The following DPP10 variants were observed in gnomAD, a reference collection of about 807,000 sequenced individuals.
DPP10 encodes the protein inactive dipeptidyl peptidase 10.
In DPP10, 33 loss-of-function variants were observed where a neutral mutation model predicts 120.9. The ratio of observed to expected loss-of-function variants is 0.27; its 90% CI spans 0.21 to 0.37. The LOEUF is 0.37. Among genes scored for constraint, DPP10 ranks in the 10% least tolerant of loss-of-function variants. The pLI is 1.00. For synonymous variants in DPP10, 337 were observed against 326.1 expected, an observed-to-expected ratio of 1.03 and a Z score of -0.36; for missense variants, 816 against 942.8, an observed-to-expected ratio of 0.87 and a Z score of 1.76.
In DPP10 at chr2:115,270,648, G is replaced by T. The variant is rs1208547164; in HGVS notation, c.61-38591G>T. Among the ~76,000 whole-genome samples the T allele has an allele frequency of 2.0e-4, 31 of 152,150 alleles. 1 individual carries two copies. The highest frequency in any genetic ancestry group is 2.0e-3 in the Admixed American group (31 of 15,272). ...CGTGGGGAGAGGAAGATTTAACTGG[G>T]CCAGGGGTGAGGGCAGGGACCTATG... On this transcript the variant is annotated intron_variant, in intron 1 of 25. Transcript: ENST00000410059.
intron 4 of DPP10, among the ~76,000 whole-genome samples, chr2:115,508,521 G>A (rs893712911): frequency 1.3e-5 from 2 of 152,124 alleles, no homozygotes; most frequent in Non-Finnish European, 2.9e-5. Context: ...GTTAAATATT[G>A]CTTTTACTTT....
At chr2:114,568,208 C>T (rs137944720) in intron 1 of DPP10, among the ~76,000 whole-genome samples, 1 of 152,004 alleles carries the variant, frequency 6.6e-6, no homozygotes, top group South Asian at 2.1e-4. Context: ...TTTATGGGGG[C>T]ACATGTGAGT....
chr2:115,023,148 A>T (rs1703198177), intron 1 of DPP10, among the ~76,000 whole-genome samples: 1 of 152,284 alleles, frequency 6.6e-6, no homozygotes, highest in East Asian at 1.9e-4. Context: ...AGATAAACAG[A>T]TGGGACTTAA....
intron 5 of DPP10, among the ~76,000 whole-genome samples, chr2:115,676,421 T>G (rs966123004): frequency 2.0e-5 from 3 of 152,228 alleles, no homozygotes; most frequent in Non-Finnish European, 4.4e-5. Context: ...GAAGAAGAGA[T>G]TGTTCCACCA....
At chr2:115,060,250 T>C (rs752208075) in intron 1 of DPP10, among the ~76,000 whole-genome samples, 17 of 150,126 alleles carry the variant, frequency 1.1e-4, no homozygotes, top group Non-Finnish European at 2.1e-4. Context: ...GAAATACATA[T>C]ATAATATATG....
chr2:114,927,959 T>C (rs1695762555), intron 1 of DPP10, among the ~76,000 whole-genome samples: 1 of 151,906 alleles, frequency 6.6e-6, no homozygotes, highest in Non-Finnish European at 1.5e-5. Context: ...TTGTGGGAAC[T>C]AATAAGAGTG....
chr2:115,747,187 T>C (rs1044478491), intron 10 of DPP10, among the ~76,000 whole-genome samples: 1 of 152,056 alleles, frequency 6.6e-6, no homozygotes, highest in African/African-American at 2.4e-5. Flanking sequence ...CCAGTGAGAG[T>C]AAATGATTTA....
intron 1 of DPP10, among the ~76,000 whole-genome samples, chr2:115,193,683 G>A (rs9653427): frequency 2.6e-5 from 4 of 152,110 alleles, no homozygotes; most frequent in Admixed American, 2.0e-4. Context: ...GTTCCTTCCT[G>A]GTTCTCTAAG....
At chr2:115,195,101 C>T (rs963137245) in intron 1 of DPP10, among the ~76,000 whole-genome samples, 2 of 152,068 alleles carry the variant, frequency 1.3e-5, no homozygotes, top group Non-Finnish European at 2.9e-5. Flanking sequence ...GCTGATGAGT[C>T]AGTATTGTTA....
At chr2:114,502,469 T>A (rs936791026) in intron 1 of DPP10, among the ~76,000 whole-genome samples, 2 of 152,194 alleles carry the variant, frequency 1.3e-5, no homozygotes, top group African/African-American at 2.4e-5. Flanking sequence ...ATTTAAAATT[T>A]AAAAAATCAT....
chr2:115,462,521 G>A (rs1465727338), intron 3 of DPP10, among the ~76,000 whole-genome samples: 1 of 151,862 alleles, frequency 6.6e-6, no homozygotes, highest in South Asian at 2.1e-4. Context: ...GGAGGACAAG[G>A]TCCTCCATGA....
intron 1 of DPP10, among the ~76,000 whole-genome samples, chr2:114,832,797 T>C (rs1305822802): frequency 6.6e-6 from 1 of 152,152 alleles, no homozygotes; most frequent in Non-Finnish European, 1.5e-5. Flanking sequence ...CAATGCTATG[T>C]CTATAGACCT....
At chr2:115,258,819 C>A (rs1423983535) in intron 1 of DPP10, among the ~76,000 whole-genome samples, 1 of 152,068 alleles carries the variant, frequency 6.6e-6, no homozygotes, top group East Asian at 1.9e-4. Flanking sequence ...ATCACTTGAG[C>A]CTGAGGCTGC....
chr2:115,739,944 G>T, intron 9 of DPP10, 51 bp downstream of exon 9: 3 of 1,579,892 alleles, frequency 1.9e-6, no homozygotes, highest in South Asian at 2.2e-5. Flanking sequence ...CTGCACTAGT[G>T]ACTTGACAGA....
chr2:115,359,407 G>A (rs931174479), intron 3 of DPP10, among the ~76,000 whole-genome samples: 10 of 152,108 alleles, frequency 6.6e-5, no homozygotes, highest in Admixed American at 3.3e-4. Flanking sequence ...GACAGAAGAT[G>A]AAATTATCTG....
intron 1 of DPP10, among the ~76,000 whole-genome samples, chr2:115,197,211 G>C (rs901646160): frequency 2.0e-5 from 3 of 152,020 alleles, no homozygotes; most frequent in African/African-American, 7.2e-5. Flanking sequence ...GGCCAATATG[G>C]TGAAACCCCA....
intron 1 of DPP10, among the ~76,000 whole-genome samples, chr2:115,112,740 A>G (rs990871327): frequency 1.3e-5 from 2 of 152,214 alleles, no homozygotes; most frequent in African/African-American, 4.8e-5. Context: ...CAAAGGATAC[A>G]AAATTTCAGT....
chr2:115,137,634 T>C (rs1375909734), intron 1 of DPP10, among the ~76,000 whole-genome samples: 1 of 152,112 alleles, frequency 6.6e-6, no homozygotes, highest in African/African-American at 2.4e-5. Context: ...AGATTAATTA[T>C]GGTTTGGAGA....
intron 3 of DPP10, among the ~76,000 whole-genome samples, chr2:115,372,916 CATAAT>C (rs2065516260): frequency 6.6e-6 from 1 of 152,158 alleles, no homozygotes; most frequent in African/African-American, 2.4e-5. Flanking sequence ...ACAATCAAGA[CATAAT>C]ATCTACCTTC....
Sources: allele counts gnomAD v4.1 joint callset (sites outside exome capture counted in the v4.1 genomes callset), GRCh38; gene constraint gnomAD v4.1.1; transcripts MANE v1.5; gene names NCBI Gene and HGNC (gene_info 2026-07-23, HGNC 2026-07-21).